PIP5K1B: variants seen among roughly 807,000 people sequenced by gnomAD.
PIP5K1B encodes phosphatidylinositol 4-phosphate 5-kinase type-1 beta.
In PIP5K1B, 42 loss-of-function variants were observed where a neutral mutation model predicts 67.0. The ratio of observed to expected loss-of-function variants is 0.63; its 90% CI spans 0.49 to 0.81. The LOEUF (loss-of-function observed/expected upper bound fraction) is 0.81, where lower values mean the gene tolerates loss of function less well. Among genes scored for constraint, PIP5K1B ranks in the 30% least tolerant of loss-of-function variants. PIP5K1B has a pLI of 0.00. For missense variants in PIP5K1B, 459 were observed against 646.3 expected (o/e 0.71, Z 3.14); for synonymous variants, 214 against 231.4 (o/e 0.92, Z 0.68).
intron 4 of PIP5K1B, among the ~76,000 whole-genome samples, chr9:68,839,603 C>T (rs1821808278): frequency 6.6e-6 from 1 of 152,096 alleles, no homozygotes; most frequent in Non-Finnish European, 1.5e-5. Flanking sequence ...TTTCTATGTT[C>T]TTGGCAAAGT....
intron 8 of PIP5K1B, among the ~76,000 whole-genome samples, chr9:68,909,905 A>G (rs1219530517): frequency 6.6e-6 from 1 of 152,234 alleles, no homozygotes; most frequent in East Asian, 1.9e-4. Flanking sequence ...GCTAGACTGC[A>G]CAAAGGAATT....
chr9:68,979,012 C>G (rs1269763542), intron 14 of PIP5K1B, among the ~76,000 whole-genome samples: 1 of 152,150 alleles, frequency 6.6e-6, no homozygotes, highest in Non-Finnish European at 1.5e-5. Context: ...AACAACTATT[C>G]CTTGTTCCTT....
At chr9:68,883,593 C>T (rs982362774) in intron 6 of PIP5K1B, among the ~76,000 whole-genome samples, 4 of 151,908 alleles carry the variant, frequency 2.6e-5, no homozygotes, top group Admixed American at 2.0e-4. Flanking sequence ...TTTCTCTCTC[C>T]CTCCTCTCCC....
At chr9:68,931,666 C>G (rs7863960) in intron 12 of PIP5K1B, among the ~76,000 whole-genome samples, 9,652 of 152,242 alleles carry the variant, frequency 0.063, 635 homozygotes, top group African/African-American at 0.17. Flanking sequence ...GGAGAAAGAA[C>G]AGCATGTGCA....
At chr9:68,768,284 A>G (rs1587414119) in intron 2 of PIP5K1B, among the ~76,000 whole-genome samples, 1 of 152,232 alleles carries the variant, frequency 6.6e-6, no homozygotes, top group African/African-American at 2.4e-5. Context: ...AAGTGGATGT[A>G]TACATGATTT....
chr9:68,991,976 T>C (rs978739045), intron 15 of PIP5K1B, among the ~76,000 whole-genome samples: 2 of 150,398 alleles, frequency 1.3e-5, no homozygotes, highest in African/African-American at 2.5e-5. Context: ...AAAATTTTTT[T>C]TGGGGGGGGG....
intron 14 of PIP5K1B, among the ~76,000 whole-genome samples, chr9:68,987,540 C>T (rs748881279): frequency 7.9e-5 from 12 of 152,106 alleles, no homozygotes; most frequent in Non-Finnish European, 1.6e-4. Context: ...CTAGCCTGGG[C>T]AACAGAGCGA....
rs536852121 is a variant in PIP5K1B, at chr9:68,917,775, C to T, written c.983+16C>T. ...ACCCAGACACGTAAGTGCAGCCACA[C>T]ACCTACCCACCCTCTTGACTGTGGC... On this transcript the variant is annotated intron_variant, in intron 9 of 15. Transcript: ENST00000265382. 109 of 1,582,372 alleles carry T rather than the reference C, an allele frequency of 6.9e-5. 1 individual carries two copies. In the South Asian group the frequency reaches 9.3e-4, roughly 13 times the overall value.
At chr9:68,770,486 C>T (rs1240542970) in intron 2 of PIP5K1B, among the ~76,000 whole-genome samples, 1 of 152,142 alleles carries the variant, frequency 6.6e-6, no homozygotes, top group Non-Finnish European at 1.5e-5. Context: ...ACTTGGTTGT[C>T]TGGAGAGATT....
intron 15 of PIP5K1B, among the ~76,000 whole-genome samples, chr9:69,002,383 T>C (rs1316540698): frequency 6.6e-6 from 1 of 152,170 alleles, no homozygotes; most frequent in Non-Finnish European, 1.5e-5. Flanking sequence ...CTTTCGGCAA[T>C]GCAGTTCCAT....
intron 2 of PIP5K1B, among the ~76,000 whole-genome samples, chr9:68,772,539 A>T (rs535097561): frequency 5.9e-5 from 9 of 152,274 alleles, no homozygotes; most frequent in South Asian, 2.1e-4. Flanking sequence ...TGCTGCAGGG[A>T]ATAGTATTCA....
intron 14 of PIP5K1B, among the ~76,000 whole-genome samples, chr9:68,970,658 G>C (rs1829312092): frequency 2.0e-5 from 3 of 152,178 alleles, no homozygotes; most frequent in Non-Finnish European, 4.4e-5. Flanking sequence ...AAAATGGGCT[G>C]TTGCTTTCAA....
chr9:69,007,861 A>G (rs565208776), intron 15 of PIP5K1B, among the ~76,000 whole-genome samples: 2 of 152,238 alleles, frequency 1.3e-5, no homozygotes, highest in Non-Finnish European at 2.9e-5. Context: ...CATCTAAAAA[A>G]AAAAAAAATA....
chr9:68,813,687 A>T (rs566616426), intron 2 of PIP5K1B, among the ~76,000 whole-genome samples: 1 of 152,198 alleles, frequency 6.6e-6, no homozygotes, highest in South Asian at 2.1e-4. Flanking sequence ...TGGTGTTCTT[A>T]TAAGAAGAGG....
chr9:68,813,853 G>A (rs1833292107), intron 2 of PIP5K1B, among the ~76,000 whole-genome samples: 1 of 152,206 alleles, frequency 6.6e-6, no homozygotes, highest in Admixed American at 6.5e-5. Context: ...TCGAGTCTCA[G>A]AGGGAGCATG....
intron 15 of PIP5K1B, 64 bp from the exon 16 acceptor site, chr9:69,008,383 A>G: frequency 4.0e-6 from 6 of 1,499,040 alleles, no homozygotes; most frequent in East Asian, 2.3e-5. Context: ...GTTGCGACTC[A>G]TGGGGAGAGG....
chr9:68,764,468 T>G (rs1438013255), intron 2 of PIP5K1B, among the ~76,000 whole-genome samples: 1 of 152,074 alleles, frequency 6.6e-6, no homozygotes, highest in Admixed American at 6.6e-5. Context: ...GAGTTGGGAG[T>G]ATAAAATTTG....
intron 14 of PIP5K1B, among the ~76,000 whole-genome samples, chr9:68,979,658 C>A (rs1178142178): frequency 6.6e-6 from 1 of 152,204 alleles, no homozygotes; most frequent in Non-Finnish European, 1.5e-5. Flanking sequence ...CTTCTGTCCT[C>A]ACAATGAATA....
intron 14 of PIP5K1B, among the ~76,000 whole-genome samples, chr9:68,964,589 C>A (rs972235754): frequency 2.0e-5 from 3 of 152,176 alleles, no homozygotes; most frequent in African/African-American, 7.2e-5. Flanking sequence ...GCTGAGAATT[C>A]TTCTCCCCAA....
Sources: gnomAD v4.1 joint callset for allele counts (sites outside exome capture counted in the v4.1 genomes callset) on GRCh38, gnomAD v4.1.1 for gene constraint, MANE v1.5 for transcripts, NCBI Gene and HGNC (gene_info 2026-07-23, HGNC 2026-07-21) for gene names.